Variants in G3BP2 observed in about 807,000 individuals in gnomAD.
The protein encoded by G3BP2 is G3BP stress granule assembly factor 2.
Under a neutral mutation model 56.7 loss-of-function variants are expected in G3BP2, and 11 were observed. The observed-to-expected ratio is 0.19, with a 90% confidence interval of 0.12 to 0.32. The LOEUF (loss-of-function observed/expected upper bound fraction) is 0.32, where lower values mean the gene tolerates loss of function less well. Among genes scored for constraint, G3BP2 ranks in the 10% least tolerant of loss-of-function variants. The pLI is 1.00. For missense variants in G3BP2, 340 were observed against 610.9 expected, an observed-to-expected ratio of 0.56 and a Z score of 4.67; for synonymous variants, 165 against 191.6, an observed-to-expected ratio of 0.86 and a Z score of 1.15.
At chr4:75,703,673 C>T (rs914418078) in intron 3 of G3BP2, among the ~76,000 whole-genome samples, 1 of 152,152 alleles carries the variant, frequency 6.6e-6, no homozygotes, top group Non-Finnish European at 1.5e-5. Flanking sequence ...ATGCTAGAGG[C>T]ATATGGGAGC....
chr4:75,683,457 G>T (rs572804665), intron 3 of G3BP2, among the ~76,000 whole-genome samples: 6 of 151,870 alleles, frequency 4.0e-5, no homozygotes, highest in Non-Finnish European at 7.4e-5. Flanking sequence ...CCAGCTACTC[G>T]GGAGGCTGAG....
intron 3 of G3BP2, among the ~76,000 whole-genome samples, chr4:75,679,767 C>G (rs980838745): frequency 6.6e-6 from 1 of 152,092 alleles, no homozygotes. Context: ...AATAACCCAC[C>G]CTGAATTTGT....
chr4:75,673,436 CTCT>C (rs1376202714), upstream of G3BP2: 7 of 1,232,256 alleles, frequency 5.7e-6, no homozygotes, highest in East Asian at 3.2e-5. Context: ...CCACCGCCCC[CTCT>C]TATTGTTTTA....
intron 1 of G3BP2, among the ~76,000 whole-genome samples, chr4:75,668,600 G>T (rs1733243166): frequency 6.6e-6 from 1 of 152,160 alleles, no homozygotes; most frequent in Non-Finnish European, 1.5e-5. Context: ...TAACTGAATG[G>T]TTTGGCACAA....
intron 2 of G3BP2, among the ~76,000 whole-genome samples, chr4:75,659,968 G>GA (rs914419284): frequency 1.3e-5 from 2 of 152,148 alleles, no homozygotes; most frequent in Non-Finnish European, 2.9e-5. Flanking sequence ...ATTCTTCCAG[G>GA]AAAGTATCTT....
chr4:75,658,737 AG>A, intron 3 of G3BP2, 105 bp downstream of exon 3: 1 of 776,284 alleles, frequency 1.3e-6, no homozygotes, highest in Non-Finnish European at 2.2e-6. Flanking sequence ...CAAAAAAAAA[AG>A]AGAAAGAAAG....
In G3BP2 at chr4:75,660,837, C is replaced by T. The variant is rs78663426; in HGVS notation, c.95+1094G>A. 8.3e-3 allele frequency among the ~76,000 whole-genome samples: 1,257 copies of T among 152,150 alleles called. 15 individuals are homozygous for T. The highest frequency in any genetic ancestry group is 0.029 in the African/African-American group (1,197 of 41,532). ...AAGAGTTTCACCTATCTTCTACTTG[C>T]TAAGATACACCAAGAAGAACAAAAA... On this transcript the variant is annotated intron_variant, in intron 2 of 11. Transcript: ENST00000359707.
chr4:75,658,228 C>G (rs1250774021), intron 3 of G3BP2, among the ~76,000 whole-genome samples: 1 of 152,158 alleles, frequency 6.6e-6, no homozygotes, highest in Non-Finnish European at 1.5e-5. Flanking sequence ...TCAACTATCT[C>G]ATGTATAAAA....
In G3BP2 at chr4:75,647,167, G is replaced by C; in HGVS notation, c.929-10C>G. The stretch of plus-strand genomic sequence containing the variant: ...TCCATATCTCCTCTGCCTGAGAATA[G>C]AAATAGAGCAGATACTAAAGTTTAC... On this transcript the variant is annotated splice_polypyrimidine_tract_variant and intron_variant, in intron 9 of 11. Transcript: ENST00000359707. The C allele has an allele frequency of 6.4e-7, 1 of 1,553,896 alleles. No homozygotes were observed.
intron 6 of G3BP2, among the ~76,000 whole-genome samples, 174 bp from the exon 7 acceptor site, chr4:75,655,420 A>C (rs1290110318): frequency 2.0e-5 from 3 of 152,186 alleles, no homozygotes; most frequent in African/African-American, 7.2e-5. Flanking sequence ...TAATACTCTC[A>C]AGTAGCAGTT....
chr4:75,671,678 T>A (rs577659332), intron 1 of G3BP2, among the ~76,000 whole-genome samples: 7 of 152,226 alleles, frequency 4.6e-5, no homozygotes, highest in African/African-American at 1.7e-4. Context: ...CTACAATTCC[T>A]TGACTGCTTT....
At chr4:75,673,799 ATC>A, upstream of G3BP2, 1 of 323,964 alleles carries the variant, frequency 3.1e-6, no homozygotes, top group Non-Finnish European at 5.4e-6. Context: ...GAATTTAGTA[ATC>A]TCTCTGAATA....
At chr4:75,678,355 T>G (rs1336128055), upstream of G3BP2, among the ~76,000 whole-genome samples, 1 of 150,978 alleles carries the variant, frequency 6.6e-6, no homozygotes, top group Non-Finnish European at 1.5e-5. Context: ...CAGGGTCTCA[T>G]TATGTTGCCC....
At chr4:75,647,358 T>C (rs1731310180) in intron 9 of G3BP2, among the ~76,000 whole-genome samples, 1 of 152,168 alleles carries the variant, frequency 6.6e-6, no homozygotes, top group African/African-American at 2.4e-5. Context: ...GTGAGGACAA[T>C]GACTAGGTTG....
upstream of G3BP2, chr4:75,673,644 C>T: frequency 8.1e-7 from 1 of 1,229,706 alleles, no homozygotes. Flanking sequence ...GCTGATTTGA[C>T]GTCACAAGCA....
chr4:75,705,350 AC>A (rs1396139655), intron 3 of G3BP2, among the ~76,000 whole-genome samples: 9 of 152,228 alleles, frequency 5.9e-5, no homozygotes, highest in Non-Finnish European at 2.9e-5. Flanking sequence ...AGAGGTGGCA[AC>A]CTACAGTAAA....
chr4:75,673,012 CCCTCA>C, intron 1 of G3BP2, 191 bp downstream of exon 1: 1 of 988,518 alleles, frequency 1.0e-6, no homozygotes, highest in Non-Finnish European at 1.2e-6. Flanking sequence ...GGCCTCCCAC[CCCTCA>C]CCTAGAGGAA....
rs745322283 is a variant in G3BP2, at chr4:75,690,073, A to G, written c.-24-28024T>C. 2.7e-4 allele frequency among the ~76,000 whole-genome samples: 41 copies of G among 152,184 alleles called. 1 individual carries two copies. The highest frequency in any genetic ancestry group is 8.3e-4 in the South Asian group (4 of 4,834). Reference sequence around the variant, plus strand: ...TTCTGTAAATATGTTATATTTCAGGAAAAGTAAAAAATTAAATTCACAAAG... The same window carrying G: ...TTCTGTAAATATGTTATATTTCAGGGAAAGTAAAAAATTAAATTCACAAAG... On this transcript the variant is annotated intron_variant, in intron 3 of 3. Transcript: ENST00000499709.
At chr4:75,695,287 C>A (rs985243927) in intron 3 of G3BP2, among the ~76,000 whole-genome samples, 1 of 152,156 alleles carries the variant, frequency 6.6e-6, no homozygotes, top group Non-Finnish European at 1.5e-5. Flanking sequence ...GCCTGATTTG[C>A]GGCAATCAGA....
Sources: gnomAD v4.1 joint callset for allele counts (sites outside exome capture counted in the v4.1 genomes callset) on GRCh38, gnomAD v4.1.1 for gene constraint, MANE v1.5 for transcripts, NCBI Gene and HGNC (gene_info 2026-07-23, HGNC 2026-07-21) for gene names.